Variants in ALPK2 observed in about 807,000 individuals in gnomAD.
The protein encoded by ALPK2 is alpha-protein kinase 2.
ALPK2 carries 127 observed loss-of-function variants against 163.1 expected under a neutral mutation model. The ratio of observed to expected loss-of-function variants is 0.78; its 90% CI spans 0.67 to 0.90. ALPK2 has a LOEUF of 0.90. Ranked by LOEUF, ALPK2 falls within the 40% of genes least tolerant of loss-of-function variation. The pLI, the probability that ALPK2 is intolerant of heterozygous loss-of-function variation, is 0.00. For synonymous variants in ALPK2, 953 were observed against 959.1 expected, an observed-to-expected ratio of 0.99 and a Z score of 0.12; for missense variants, 2,360 against 2,589.6, an observed-to-expected ratio of 0.91 and a Z score of 1.92.
At chr18:58,609,299 G>A (rs547439132) in intron 2 of ALPK2, among the ~76,000 whole-genome samples, 41 of 152,262 alleles carry the variant, frequency 2.7e-4, no homozygotes, top group Admixed American at 1.4e-3. Flanking sequence ...CCTCTTACAG[G>A]CATTTGCCTA....
intron 3 of ALPK2, among the ~76,000 whole-genome samples, chr18:58,584,898 GTGC>G (rs764950458): frequency 4.6e-5 from 7 of 152,296 alleles, no homozygotes; most frequent in African/African-American, 9.6e-5. Flanking sequence ...AGAGACCTGT[GTGC>G]CCCACAGTGA....
At chr18:58,512,296 GC>G (rs1403684342) in intron 10 of ALPK2, 1 of 152,268 alleles carries the variant, frequency 6.6e-6, no homozygotes, top group Admixed American at 6.5e-5. Flanking sequence ...CCTGGCCTCT[GC>G]CCAGCAGGAC....
chr18:58,504,232 A>G, intron 10 of ALPK2, 84 bp from the exon 11 acceptor site: 1 of 1,148,226 alleles, frequency 8.7e-7, no homozygotes, highest in Non-Finnish European at 1.3e-6. Context: ...CTCCTGGAGC[A>G]GCACGGAGCA....
intron 12 of ALPK2, among the ~76,000 whole-genome samples, chr18:58,493,796 C>T (rs897642189): frequency 2.0e-5 from 3 of 152,212 alleles, no homozygotes; most frequent in Non-Finnish European, 4.4e-5. Context: ...AGATGCAAGG[C>T]TGGCTGGCAG....
At chr18:58,561,868 A>C (rs913277808) in intron 4 of ALPK2, among the ~76,000 whole-genome samples, 2 of 152,188 alleles carry the variant, frequency 1.3e-5, no homozygotes, top group Non-Finnish European at 2.9e-5. Flanking sequence ...CAGGGAACCT[A>C]GGTGGACTGA....
intron 4 of ALPK2, chr18:58,544,994 G>C (rs918277920): frequency 6.6e-6 from 1 of 152,180 alleles, no homozygotes; most frequent in South Asian, 2.1e-4. Context: ...CCTTGTGTAA[G>C]GTATAGACAT....
chr18:58,602,518 C>T (rs2052076281), intron 3 of ALPK2, among the ~76,000 whole-genome samples: 1 of 152,182 alleles, frequency 6.6e-6, no homozygotes. Context: ...TCTCGGCTTG[C>T]CATTGCATCA....
chr18:58,607,250 A>T (rs1200235275), intron 3 of ALPK2, 72 bp downstream of exon 3: 1 of 1,104,532 alleles, frequency 9.1e-7, no homozygotes, highest in Non-Finnish European at 1.3e-6. Context: ...TTTTGGCCTT[A>T]CCTCATAGTA....
chr18:58,556,789 G>T (rs73447220), intron 4 of ALPK2, among the ~76,000 whole-genome samples: 1 of 152,094 alleles, frequency 6.6e-6, no homozygotes. Context: ...ACTGTCCTGT[G>T]TGAACCTGGA....
intron 3 of ALPK2, chr18:58,581,083 T>C (rs1484817626): frequency 1.3e-5 from 2 of 151,880 alleles, no homozygotes; most frequent in Non-Finnish European, 2.9e-5. Context: ...AAGAATAAAA[T>C]GCTGAGAATT....
chr18:58,618,727 A>G (rs1325487383), intron 1 of ALPK2, among the ~76,000 whole-genome samples: 1 of 152,240 alleles, frequency 6.6e-6, no homozygotes, highest in African/African-American at 2.4e-5. Flanking sequence ...TGAATATTTA[A>G]AACACTCAAG....
At chr18:58,504,196 G>A (rs752450554) in intron 10 of ALPK2, 48 bp from the exon 11 acceptor site, 8 of 1,500,696 alleles carry the variant, frequency 5.3e-6, no homozygotes, top group Non-Finnish European at 7.4e-6. Context: ...CTACTGGGAA[G>A]AGAGGCTCCT....
chr18:58,498,385 C>T (rs1257599824), intron 11 of ALPK2, among the ~76,000 whole-genome samples: 1 of 152,168 alleles, frequency 6.6e-6, no homozygotes, highest in Non-Finnish European at 1.5e-5. Context: ...AAGGAGGGAG[C>T]TGGCCACTCT....
At chr18:58,498,719 T>G (rs2051414767) in intron 11 of ALPK2, among the ~76,000 whole-genome samples, 1 of 152,172 alleles carries the variant, frequency 6.6e-6, no homozygotes, top group Non-Finnish European at 1.5e-5. Flanking sequence ...CTCAGGAGAT[T>G]TGATGATTTC....
In ALPK2 at chr18:58,535,766, C is replaced by G. The variant is rs538499567; in HGVS notation, c.4421G>C (p.Ser1474Thr). 3.7e-6 allele frequency: 6 copies of G among 1,614,248 alleles called. No homozygotes were observed. Among genetic ancestry groups the G allele is most frequent in the Non-Finnish European group, 5.1e-6 (6 of 1,180,032 alleles). The change falls in exon 5 of 13, where the codon AGT becomes ACT. Residue 1474 changes from serine (S) to threonine (T), a missense_variant. Transcript: ENST00000361673. ...AATTTGTTCAGCCTCCTGCTTCATA[C>G]TGCCTTCTTGGCTTCTGCTGATTCT... The part of the protein sequence containing the change: ...ENRISRSQEG[S>T]MKQEAEQIQP...
chr18:58,584,900 G>A (rs1438917139), intron 3 of ALPK2, among the ~76,000 whole-genome samples: 1 of 152,144 alleles, frequency 6.6e-6, no homozygotes, highest in East Asian at 1.9e-4. Context: ...AGACCTGTGT[G>A]CCCCACAGTG....
At chr18:58,573,726 A>G (rs980091171) in intron 4 of ALPK2, among the ~76,000 whole-genome samples, 1 of 149,980 alleles carries the variant, frequency 6.7e-6, no homozygotes, top group Admixed American at 6.7e-5. Context: ...CAGCAGATAA[A>G]CATTTTTGTC....
At chr18:58,505,939 T>A (rs1268511895) in intron 10 of ALPK2, among the ~76,000 whole-genome samples, 1 of 152,174 alleles carries the variant, frequency 6.6e-6, no homozygotes, top group Non-Finnish European at 1.5e-5. Flanking sequence ...GGCTACCTCT[T>A]CTCTGTCTCT....
intron 4 of ALPK2, among the ~76,000 whole-genome samples, chr18:58,562,825 C>T (rs1430857675): frequency 6.6e-6 from 1 of 152,166 alleles, no homozygotes; most frequent in Admixed American, 6.5e-5. Context: ...GCTGCCTTCT[C>T]GTTGTGTCCT....
Sources: gnomAD v4.1 joint callset for allele counts (sites outside exome capture counted in the v4.1 genomes callset) on GRCh38, gnomAD v4.1.1 for gene constraint, MANE v1.5 for transcripts, NCBI Gene and HGNC (gene_info 2026-07-23, HGNC 2026-07-21) for gene names.